PRKAR1B: variants seen among roughly 807,000 people sequenced by gnomAD.
PRKAR1B encodes the protein cAMP-dependent protein kinase type I-beta regulatory subunit.
A neutral mutation model predicts 46.5 loss-of-function variants in PRKAR1B; 22 were observed. That is an observed-to-expected ratio of 0.47 (90% CI 0.34 to 0.68). The LOEUF is 0.68. Ranked by LOEUF, PRKAR1B falls within the 30% of genes least tolerant of loss-of-function variation. The pLI, the probability that PRKAR1B is intolerant of heterozygous loss-of-function variation, is 0.01. For synonymous variants in PRKAR1B, 259 were observed against 217.7 expected (o/e 1.19, Z -1.67); for missense variants, 445 against 535.6 (o/e 0.83, Z 1.67).
At chr7:648,071 G>A (rs1185810466) in intron 4 of PRKAR1B, among the ~76,000 whole-genome samples, 1 of 151,416 alleles carries the variant, frequency 6.6e-6, no homozygotes, top group Non-Finnish European at 1.5e-5. Flanking sequence ...GCTTGAGGCT[G>A]GGAGGTTGAG....
At chr7:672,140 T>G (rs542868631) in intron 4 of PRKAR1B, among the ~76,000 whole-genome samples, 25 of 151,948 alleles carry the variant, frequency 1.6e-4, no homozygotes, top group South Asian at 4.2e-4. Flanking sequence ...CGTCTTAAAT[T>G]CTGTGGAACC....
At chr7:641,234 G>A (rs1003264781) in intron 4 of PRKAR1B, among the ~76,000 whole-genome samples, 4 of 152,120 alleles carry the variant, frequency 2.6e-5, no homozygotes, top group African/African-American at 9.7e-5. Flanking sequence ...TTACAGGCGT[G>A]AGCCACCGCG....
intron 3 of PRKAR1B, among the ~76,000 whole-genome samples, chr7:679,129 A>G (rs1778511997): frequency 6.6e-6 from 1 of 152,212 alleles, no homozygotes; most frequent in Non-Finnish European, 1.5e-5. Flanking sequence ...AATACTTTCT[A>G]TTTACAGAGA....
chr7:659,794 C>T (rs1488836142), intron 4 of PRKAR1B, among the ~76,000 whole-genome samples: 1 of 152,172 alleles, frequency 6.6e-6, no homozygotes, highest in Non-Finnish European at 1.5e-5. Flanking sequence ...GCAGTCTCCA[C>T]CTCCCGGGCT....
chr7:665,802 A>G (rs1001932093), intron 4 of PRKAR1B, among the ~76,000 whole-genome samples: 7 of 152,262 alleles, frequency 4.6e-5, no homozygotes, highest in African/African-American at 1.4e-4. Flanking sequence ...TGAATTCGGC[A>G]GAAGGGCTTG....
intron 2 of PRKAR1B, among the ~76,000 whole-genome samples, chr7:700,538 C>A (rs1780000311): frequency 6.6e-6 from 1 of 152,118 alleles, no homozygotes; most frequent in Non-Finnish European, 1.5e-5. Context: ...GGCTGACAAG[C>A]TTCAGATGCT....
intron 4 of PRKAR1B, among the ~76,000 whole-genome samples, chr7:662,175 C>G (rs1311791770): frequency 1.8e-5 from 2 of 109,890 alleles, no homozygotes; most frequent in South Asian, 4.4e-4. Context: ...CCCAACAGAT[C>G]CAAATACCTA....
chr7:551,486 GAC>G lies in PRKAR1B; in HGVS notation c.892-18_892-17del, dbSNP rs761860428. 408 of 1,551,196 alleles carry G rather than the reference GAC, an allele frequency of 2.6e-4. 5 individuals are homozygous for G. The East Asian group carries it at 9.5e-3, about 36-fold the overall frequency. ...ACGCGGTGCCCTGTGGGTGGAGGTG[GAC>G]AGACGTGAGTGCCAGCCAGGCGGGT... On this transcript the variant is annotated splice_polypyrimidine_tract_variant and intron_variant, in intron 9 of 10. Coordinates refer to ENST00000537384, the MANE Select transcript of PRKAR1B (RefSeq NM_001164760.2).
intron 9 of PRKAR1B, among the ~76,000 whole-genome samples, chr7:568,657 CG>C (rs1226245446): frequency 6.6e-6 from 1 of 152,204 alleles, no homozygotes; most frequent in Admixed American, 6.5e-5. Context: ...GCCCCTGCTG[CG>C]GGGGGTGGAC....
In PRKAR1B at chr7:602,829, G is replaced by A. The variant is rs546575400; in HGVS notation, c.549+3364C>T. On this transcript the variant is annotated intron_variant, in intron 6 of 10. Coordinates refer to ENST00000537384, the MANE Select transcript of PRKAR1B (RefSeq NM_001164760.2). The surrounding 1 kb of genome is among the most constrained non-coding windows in gnomAD (Gnocchi z 6.4). ...AGCAGTGAGCTCTGTTCGTTTTTCT[G>A]AGTAATATGGAAATGGCACGGCTCA... 1 of 157,648 alleles carries A rather than the reference G, an allele frequency of 6.3e-6. No individual in the cohort carries two copies. Among genetic ancestry groups the A allele is most frequent in the Admixed American group, 6.5e-5 (1 of 15,300 alleles). The allele number at this position is 157,648 out of a possible 1,614,324, so 9.8% of individuals were successfully genotyped here. A position where few individuals can be genotyped will look rare whatever the true frequency, so the allele number is the denominator to read the frequency against.
At chr7:595,754 C>A (rs1033579870) in intron 7 of PRKAR1B, among the ~76,000 whole-genome samples, 1 of 152,262 alleles carries the variant, frequency 6.6e-6, no homozygotes, top group African/African-American at 2.4e-5. Flanking sequence ...TCAGTCCCCA[C>A]ACACAGGAAG....
chr7:636,314 G>A (rs1208869303), intron 4 of PRKAR1B, among the ~76,000 whole-genome samples: 1 of 8,600 alleles, frequency 1.2e-4, no homozygotes. Flanking sequence ...GTCCTCCACC[G>A]GCCGCGCCCA....
rs570603161 is a variant in PRKAR1B, at chr7:702,849, C to A, written c.177+8480G>T. 7.2e-4 allele frequency among the ~76,000 whole-genome samples: 109 copies of A among 151,622 alleles called. No homozygotes were observed. In the East Asian group the frequency reaches 8.7e-3, roughly 12 times the overall value. On this transcript the variant is annotated intron_variant, in intron 2 of 10. Coordinates refer to ENST00000537384, the MANE Select transcript of PRKAR1B (RefSeq NM_001164760.2). ...AAAAAAATAAGTAAATAAATAAATA[C>A]ATAAATAAATAAATAAAGATGCATC...
At chr7:555,260 G>A (rs1490518195) in intron 9 of PRKAR1B, among the ~76,000 whole-genome samples, 1 of 152,192 alleles carries the variant, frequency 6.6e-6, no homozygotes, top group Admixed American at 6.5e-5. Flanking sequence ...GGAAGCGGCA[G>A]GGATGGGTCC....
intron 9 of PRKAR1B, among the ~76,000 whole-genome samples, chr7:551,777 T>C (rs1460767605): frequency 9.1e-4 from 30 of 33,028 alleles, no homozygotes; most frequent in African/African-American, 1.0e-3. Context: ...GGTCCTTCCC[T>C]CGGAGCCACT....
upstream of PRKAR1B, among the ~76,000 whole-genome samples, chr7:728,007 A>G (rs1405181438): frequency 6.6e-6 from 1 of 151,426 alleles, no homozygotes; most frequent in Non-Finnish European, 1.5e-5. Flanking sequence ...TGCTCTGGTC[A>G]TTTCACTTTC....
rs148442499 is a variant in PRKAR1B, at chr7:577,812, G to C, written c.891+1444C>G. Among the ~76,000 whole-genome samples, 1,071 of 152,374 alleles carry C rather than the reference G, an allele frequency of 7.0e-3. 7 individuals are homozygous for C. Among genetic ancestry groups the C allele is most frequent in the Middle Eastern group, 0.014 (4 of 294 alleles). On this transcript the variant is annotated intron_variant, in intron 9 of 10. Transcript: ENST00000537384. ...TGCCCAGGACAGGATTCAAGGGCCA[G>C]CAGGAGGTGGAATGAACAGCTTTAC...
intron 4 of PRKAR1B, among the ~76,000 whole-genome samples, chr7:614,373 C>T (rs1782689237): frequency 6.6e-6 from 1 of 152,242 alleles, no homozygotes; most frequent in Non-Finnish European, 1.5e-5. Context: ...TGAGAGAACG[C>T]CCCGTTTACA....
In PRKAR1B at chr7:550,563, G is replaced by C; in HGVS notation, c.1013C>G (p.Thr338Ser). Residue 338 changes from threonine to serine, a missense_variant, in exon 11 of 11, where the codon ACT becomes AGT. Transcript: ENST00000537384. Reference sequence around the variant, plus strand: ...CTTGAGGGGCCCCCGGGCCACGACAGTGGCCGCCCGGGGCCGGTTCAGCAG... The same window carrying C: ...CTTGAGGGGCCCCCGGGCCACGACACTGGCCGCCCGGGGCCGGTTCAGCAG... The part of the protein sequence containing the change: ...ALLLNRPRAA[T>S]VVARGPLKCV... 6.3e-7 allele frequency: 1 copy of C among 1,597,890 alleles called. No individual in the cohort carries two copies. Among genetic ancestry groups the C allele is most frequent in the Non-Finnish European group, 8.5e-7 (1 of 1,173,670 alleles).
Sources: gnomAD v4.1 joint callset for allele counts (sites outside exome capture counted in the v4.1 genomes callset) on GRCh38, gnomAD v4.1.1 for gene constraint, Gnocchi (gnomAD v3.1) non-coding constraint, MANE v1.5 for transcripts, NCBI Gene and HGNC (gene_info 2026-07-23, HGNC 2026-07-21) for gene names.